Variants in CREB3L1 observed in about 807,000 individuals in gnomAD.
CREB3L1 encodes cAMP responsive element binding protein 3 like 1.
In CREB3L1, 33 loss-of-function variants were observed where a neutral mutation model predicts 54.5. That is an observed-to-expected ratio of 0.61 (90% CI 0.46 to 0.81). The LOEUF (loss-of-function observed/expected upper bound fraction) is 0.81, where lower values mean the gene tolerates loss of function less well. Ranked by LOEUF, CREB3L1 falls within the 30% of genes least tolerant of loss-of-function variation. The pLI, the probability that CREB3L1 is intolerant of heterozygous loss-of-function variation, is 0.00. For missense variants in CREB3L1, 656 were observed against 673.3 expected (o/e 0.97, Z 0.29); for synonymous variants, 284 against 286.4 (o/e 0.99, Z 0.08).
chr11:46,282,783 G>A (rs757734881), intron 1 of CREB3L1, among the ~76,000 whole-genome samples: 2 of 152,220 alleles, frequency 1.3e-5, no homozygotes, highest in East Asian at 3.8e-4. Context: ...TAAGAGGAGA[G>A]TCCATATCAG....
chr11:46,316,152 G>A, intron 8 of CREB3L1, 134 bp from the exon 9 acceptor site: 1 of 619,398 alleles, frequency 1.6e-6, no homozygotes, highest in Non-Finnish European at 2.9e-6. Context: ...CGCAGGAGGT[G>A]ACCTTTCCTA....
intron 3 of CREB3L1, among the ~76,000 whole-genome samples, chr11:46,308,524 A>G (rs1939436363): frequency 1.3e-5 from 2 of 152,240 alleles, no homozygotes; most frequent in South Asian, 4.1e-4. Context: ...CCCTCTGGGA[A>G]TGTGAACCCC....
At chr11:46,299,874 C>G in intron 1 of CREB3L1, 61 bp from the exon 2 acceptor site, 1 of 1,269,584 alleles carries the variant, frequency 7.9e-7, no homozygotes, top group Non-Finnish European at 1.1e-6. Flanking sequence ...CACAGTAGCA[C>G]CTGCACCCCC....
intron 11 of CREB3L1, 24 bp from the exon 12 acceptor site, chr11:46,320,686 C>T (rs768761593): frequency 1.3e-5 from 21 of 1,606,794 alleles, no homozygotes; most frequent in East Asian, 2.2e-5. Flanking sequence ...GGACAGTCAT[C>T]GCTGGCCTCT....
intron 2 of CREB3L1, among the ~76,000 whole-genome samples, chr11:46,304,183 A>T (rs1165850899): frequency 6.6e-6 from 1 of 151,964 alleles, no homozygotes; most frequent in Admixed American, 6.6e-5. Context: ...GGAGTAAAGA[A>T]GCTCATTTGC....
intron 2 of CREB3L1, among the ~76,000 whole-genome samples, chr11:46,305,708 G>A (rs1445523525): frequency 9.4e-5 from 11 of 117,270 alleles, no homozygotes; most frequent in Admixed American, 4.1e-4. Flanking sequence ...GTGTGTGTGT[G>A]TGTGTGTGTG....
intron 1 of CREB3L1, among the ~76,000 whole-genome samples, chr11:46,287,134 G>A (rs886987021): frequency 1.3e-5 from 2 of 152,172 alleles, no homozygotes; most frequent in Admixed American, 6.5e-5. Flanking sequence ...TGTGAGCTTG[G>A]GCAGGTGCTT....
intron 2 of CREB3L1, among the ~76,000 whole-genome samples, chr11:46,302,465 A>G (rs745847453): frequency 1.4e-4 from 21 of 152,110 alleles, no homozygotes; most frequent in Non-Finnish European, 2.6e-4. Flanking sequence ...TTCCTCAAAT[A>G]CAGGTGGTCC....
intron 1 of CREB3L1, among the ~76,000 whole-genome samples, chr11:46,289,008 G>A (rs1208555261): frequency 6.6e-6 from 1 of 152,156 alleles, no homozygotes; most frequent in South Asian, 2.1e-4. Context: ...ATAAATATTC[G>A]CTGTTATTAT....
intron 7 of CREB3L1, 85 bp from the exon 8 acceptor site, chr11:46,312,766 G>A: frequency 1.3e-6 from 2 of 1,547,278 alleles, no homozygotes; most frequent in Non-Finnish European, 8.8e-7. Context: ...GGGGGCACAG[G>A]GAGTGTGATG....
At position 46,320,405 on chromosome 11, in the gene CREB3L1, T is replaced by A; in HGVS notation, c.1400T>A (p.Leu467Gln). 3.7e-6 allele frequency: 6 copies of A among 1,611,220 alleles called. No individual in the cohort carries two copies. Among genetic ancestry groups the A allele is most frequent in the Non-Finnish European group, 2.5e-6 (3 of 1,178,812 alleles). ...GCAGAGCAGCGGCCCCGGGACCACC[T>A]GCAGCATGATCACCTGGACAGCACC... The part of the protein sequence containing the change: ...GPAEQRPRDH[L>Q]QHDHLDSTHE... Residue 467 changes from leucine (L) to glutamine (Q), a missense_variant, in exon 11 of 12, where the codon CTG (leucine) becomes CAG (glutamine). By Grantham distance (113) the Leu-to-Gln change is moderately radical. This residue lies in a region of CREB3L1 where 240 missense variants were observed against 219.8 expected (regional missense o/e 1.09). Transcript: ENST00000621158.
chr11:46,293,925 T>C (rs1939166468), intron 1 of CREB3L1, among the ~76,000 whole-genome samples: 1 of 152,174 alleles, frequency 6.6e-6, no homozygotes, highest in Admixed American at 6.5e-5. Context: ...GTGTGTCTTG[T>C]TGAGTTTGTG....
intron 11 of CREB3L1, 44 bp from the exon 12 acceptor site, chr11:46,320,666 G>C: frequency 6.3e-7 from 1 of 1,596,572 alleles, no homozygotes; most frequent in South Asian, 1.1e-5. Context: ...AGGGTAAGAG[G>C]GTTCCTGCTG....
chr11:46,299,143 CT>C (rs111258259), intron 1 of CREB3L1, among the ~76,000 whole-genome samples: 26 of 150,440 alleles, frequency 1.7e-4, no homozygotes, highest in African/African-American at 4.4e-4. Context: ...ATATTTTCTA[CT>C]TTTTTTTTTC....
chr11:46,288,852 G>T (rs1939094195), intron 1 of CREB3L1, among the ~76,000 whole-genome samples: 1 of 152,164 alleles, frequency 6.6e-6, no homozygotes, highest in Admixed American at 6.5e-5. Flanking sequence ...TTGACCACTT[G>T]CTAACTGAAT....
intron 1 of CREB3L1, among the ~76,000 whole-genome samples, chr11:46,286,860 G>A (rs181485228): frequency 8.0e-4 from 122 of 152,208 alleles, no homozygotes; most frequent in South Asian, 2.1e-3. Context: ...AAACACACTC[G>A]GTTCTGAATA....
intron 7 of CREB3L1, 21 bp from the exon 8 acceptor site, chr11:46,312,830 G>A: frequency 6.3e-7 from 1 of 1,580,668 alleles, no homozygotes; most frequent in Non-Finnish European, 8.6e-7. Flanking sequence ...CCCTGAGCCT[G>A]TGCCTGCTTG....
rs914797479 is a variant in CREB3L1 at position 46,316,457 on chromosome 11, G to A, written c.1131+72G>A. 7 of 1,030,534 alleles carry A rather than the reference G, an allele frequency of 6.8e-6. No individual in the cohort carries two copies. In the Admixed American group the frequency reaches 8.5e-5, roughly 13 times the overall value. The allele number at this position is 1,030,534 out of a possible 1,614,324, so 63.8% of individuals were successfully genotyped here. A position where few individuals can be genotyped will look rare whatever the true frequency, so the allele number is the denominator to read the frequency against. ...CCCAAGGCTGGCTTTTTCCAGGGTT[G>A]GGCAGAGCTTTAAGGATCGGTAACA... On this transcript the variant is annotated intron_variant, in intron 9 of 11. Coordinates refer to ENST00000621158, the MANE Select transcript of CREB3L1 (RefSeq NM_052854.4).
Position 46,321,319 on chromosome 11 carries a change from C to A in CREB3L1, c.*573C>A. The A allele has an allele frequency of 8.1e-6, 2 of 245,528 alleles. No homozygotes were observed. Among genetic ancestry groups the A allele is most frequent in the Non-Finnish European group, 1.6e-5 (2 of 122,902 alleles). The allele number at this position is 245,528 out of a possible 1,614,324, so 15.2% of individuals were successfully genotyped here. A position where few individuals can be genotyped will look rare whatever the true frequency, so the allele number is the denominator to read the frequency against. The stretch of plus-strand genomic sequence containing the variant: ...CACCTGGCACCCCCCTGCTGCTGCC[C>A]AAGCCGCTGGGCCTTTTTAATTGCC... On this transcript the variant is annotated 3_prime_UTR_variant, in exon 12 of 12. Coordinates refer to ENST00000621158, the MANE Select transcript of CREB3L1 (RefSeq NM_052854.4).
Sources: allele counts gnomAD v4.1 joint callset (sites outside exome capture counted in the v4.1 genomes callset), GRCh38; gene constraint gnomAD v4.1.1; regional missense constraint gnomAD v4.1.1; transcripts MANE v1.5; gene names NCBI Gene and HGNC (gene_info 2026-07-23, HGNC 2026-07-21).